SLK: variants seen among roughly 807,000 people sequenced by gnomAD.
SLK encodes STE20 like kinase, also known as STE20-like serine/threonine-protein kinase.
Under a neutral mutation model 147.7 loss-of-function variants are expected in SLK, and 67 were observed. That is an observed-to-expected ratio of 0.45 (90% CI 0.37 to 0.56). The LOEUF (loss-of-function observed/expected upper bound fraction) is 0.56. Ranked by LOEUF, SLK falls within the 20% of genes least tolerant of loss-of-function variation. The probability of loss-of-function intolerance (pLI) is 0.00; values close to 1 mark genes in which losing one functional copy is unlikely to be tolerated. For synonymous variants in SLK, 441 were observed against 475.0 expected, an observed-to-expected ratio of 0.93 and a Z score of 0.93; for missense variants, 1,136 against 1,438.8, an observed-to-expected ratio of 0.79 and a Z score of 3.41.
intron 1 of SLK, among the ~76,000 whole-genome samples, chr10:103,986,720 C>G (rs2476944): frequency 0.21 from 30,748 of 146,742 alleles, 3,578 homozygotes; most frequent in African/African-American, 0.31. Flanking sequence ...GGTCTGTTGC[C>G]CAGGCTGGAG....
intron 4 of SLK, 71 bp downstream of exon 4, chr10:103,993,204 A>G (rs1279432766): frequency 1.5e-5 from 18 of 1,162,310 alleles, no homozygotes; most frequent in Non-Finnish European, 2.2e-5. Context: ...ATGTGACTTA[A>G]TGTGGTTTTA....
chr10:104,025,058 C>T (rs1409845501), intron 18 of SLK, among the ~76,000 whole-genome samples: 1 of 152,174 alleles, frequency 6.6e-6, no homozygotes, highest in Non-Finnish European at 1.5e-5. Context: ...TTCTCAAGCA[C>T]TTATTTTTGC....
In SLK at chr10:104,020,682, C is replaced by G. The variant is rs1271318113; in HGVS notation, c.3447+69C>G. 19 of 1,522,388 alleles carry G rather than the reference C, an allele frequency of 1.2e-5. No homozygotes were observed. The South Asian group carries it at 2.1e-4, about 17-fold the overall frequency. 94.3% of individuals were successfully genotyped at this position (1,522,388 alleles called of 1,614,324 possible). ...GCACAAGTGGCTGCTTTTGAGAGAA[C>G]AGTAGCTAGCCAAAGTCAACTGCAT... is the stretch of plus-strand genomic sequence containing the variant. On this transcript the variant is annotated intron_variant, in intron 17 of 18. Transcript: ENST00000369755.
rs887523381 is a variant in SLK at position 103,967,164 on chromosome 10, A to T, written c.-582A>T. 6.6e-6 allele frequency: 1 copy of T among 151,152 alleles called. No homozygotes were observed. Among genetic ancestry groups the T allele is most frequent in the Admixed American group, 6.6e-5 (1 of 15,154 alleles). 9.4% of individuals were successfully genotyped at this position (151,152 alleles called of 1,614,324 possible). Reference sequence around the variant, plus strand: ...CGGAGTCGGCGTCGGCGCGCGCTCCAGGCCGAGGCTGTGTGGGCTGGGGAG... The same window carrying T: ...CGGAGTCGGCGTCGGCGCGCGCTCCTGGCCGAGGCTGTGTGGGCTGGGGAG... On this transcript the variant is annotated 5_prime_UTR_variant, in exon 1 of 19. Transcript: ENST00000369755.
At chr10:104,016,372 G>A (rs1466557467) in intron 13 of SLK, among the ~76,000 whole-genome samples, 2 of 151,506 alleles carry the variant, frequency 1.3e-5, no homozygotes, top group Admixed American at 1.3e-4. Context: ...GTTTAATTTT[G>A]TTACAAATAG....
intron 4 of SLK, 142 bp from the exon 5 acceptor site, chr10:103,998,757 G>A: frequency 3.5e-6 from 2 of 573,354 alleles, no homozygotes; most frequent in Non-Finnish European, 6.1e-6. Context: ...TAAGATGGGA[G>A]AGACATCTTT....
chr10:103,991,977 A>C (rs1399853247), intron 2 of SLK, among the ~76,000 whole-genome samples: 1 of 151,850 alleles, frequency 6.6e-6, no homozygotes, highest in Non-Finnish European at 1.5e-5. Context: ...GGAGACATAA[A>C]TGTTAATTAA....
chr10:104,019,504 TC>T (rs1844507213), intron 15 of SLK, among the ~76,000 whole-genome samples: 1 of 152,242 alleles, frequency 6.6e-6, no homozygotes, highest in Admixed American at 6.5e-5. Flanking sequence ...ACTCCTAGGC[TC>T]AAGTGATCCT....
chr10:104,002,461 C>A lies in SLK; in HGVS notation c.1283C>A (p.Pro428His), dbSNP rs1844262903. 6.2e-7 allele frequency: 1 copy of A among 1,613,664 alleles called. No individual in the cohort carries two copies. Among genetic ancestry groups the A allele is most frequent in the South Asian group, 1.1e-5 (1 of 91,058 alleles). The change falls in exon 9 of 19, where the codon CCC (proline) becomes CAC (histidine). Residue 428 changes from proline to histidine, a missense_variant. Physicochemically the swap from Pro to His is moderately conservative, Grantham distance 77. Transcript: ENST00000369755. ...AAGGAGAATGAAAGAGAGAAGAGGC[C>A]CAAGCTTGAAAATCTGCCTGACACA... ...VIKENEREKR[P>H]KLENLPDTED...
intron 4 of SLK, among the ~76,000 whole-genome samples, chr10:103,994,699 G>GA (rs1194618289): frequency 6.6e-6 from 1 of 152,166 alleles, no homozygotes; most frequent in Non-Finnish European, 1.5e-5. Flanking sequence ...GGGATGATGT[G>GA]AAAAAAATGT....
intron 4 of SLK, among the ~76,000 whole-genome samples, chr10:103,993,383 T>A (rs1237313460): frequency 6.6e-6 from 1 of 152,168 alleles, no homozygotes. Context: ...AAAGGCATGC[T>A]TTTTAAAGAC....
chr10:103,976,526 G>T (rs10883958), intron 1 of SLK, among the ~76,000 whole-genome samples: 1 of 151,564 alleles, frequency 6.6e-6, no homozygotes, highest in Non-Finnish European at 1.5e-5. Flanking sequence ...GCCTTTTTAT[G>T]TGCTTATTCA....
At chr10:103,977,803 T>C (rs997467418) in intron 1 of SLK, among the ~76,000 whole-genome samples, 2 of 152,216 alleles carry the variant, frequency 1.3e-5, no homozygotes, top group African/African-American at 4.8e-5. Flanking sequence ...TTCTATAATA[T>C]CTTAACCTTA....
intron 4 of SLK, among the ~76,000 whole-genome samples, chr10:103,995,349 A>G (rs1048199264): frequency 2.7e-5 from 4 of 150,004 alleles, no homozygotes; most frequent in Admixed American, 2.7e-4. Flanking sequence ...CAGTTCTGAG[A>G]TGTTTCAGGC....
At chr10:103,986,700 A>C (rs1253086900) in intron 1 of SLK, among the ~76,000 whole-genome samples, 1 of 127,816 alleles carries the variant, frequency 7.8e-6, no homozygotes. Context: ...TTTCCCTGAG[A>C]CAGAGTCTTG....
intron 13 of SLK, among the ~76,000 whole-genome samples, chr10:104,012,207 A>G (rs568657460): frequency 4.6e-5 from 7 of 151,994 alleles, no homozygotes; most frequent in Non-Finnish European, 1.0e-4. Context: ...CATTAAAAAA[A>G]TTTTTTTTTA....
intron 2 of SLK, 118 bp from the exon 3 acceptor site, chr10:103,992,480 A>G (rs1158149010): frequency 3.3e-6 from 3 of 900,630 alleles, no homozygotes; most frequent in Admixed American, 6.0e-5. Flanking sequence ...TCGTTTCCAT[A>G]ACCAGATTAT....
intron 13 of SLK, among the ~76,000 whole-genome samples, chr10:104,017,661 G>GTAGAGA (rs1419289284): frequency 5.9e-5 from 9 of 152,116 alleles, no homozygotes; most frequent in Non-Finnish European, 1.0e-4. Flanking sequence ...TGTATATTTA[G>GTAGAGA]TAGAGATGGG....
At chr10:103,995,253 T>A (rs993932296) in intron 4 of SLK, among the ~76,000 whole-genome samples, 2 of 152,078 alleles carry the variant, frequency 1.3e-5, no homozygotes, top group African/African-American at 4.8e-5. Context: ...AAGCTCATGT[T>A]GTTCCATCTT....
Sources: allele counts gnomAD v4.1 joint callset (sites outside exome capture counted in the v4.1 genomes callset), GRCh38; gene constraint gnomAD v4.1.1; transcripts MANE v1.5; gene names NCBI Gene and HGNC (gene_info 2026-07-23, HGNC 2026-07-21).